Variants in SPEN observed in about 807,000 individuals in gnomAD.
SPEN encodes spen family transcriptional repressor, also known as msx2-interacting protein.
A neutral mutation model predicts 269.9 loss-of-function variants in SPEN; 18 were observed. The observed-to-expected ratio is 0.07, with a 90% CI of 0.05 to 0.10. The LOEUF is 0.10. SPEN is among the 10% of genes least tolerant of loss of function. The pLI is 1.00. For synonymous variants in SPEN, 1,726 were observed against 1,765.7 expected (o/e 0.98, Z 0.56); for missense variants, 3,822 against 4,631.2 (o/e 0.83, Z 5.07).
chr1:15,902,362 A>G (rs1364711455), intron 3 of SPEN, among the ~76,000 whole-genome samples: 2 of 152,196 alleles, frequency 1.3e-5, no homozygotes, highest in African/African-American at 4.8e-5. Flanking sequence ...TACACAGTTG[A>G]AATAGGGAAG....
intron 1 of SPEN, among the ~76,000 whole-genome samples, chr1:15,854,636 C>T (rs954370892): frequency 3.9e-5 from 6 of 151,954 alleles, no homozygotes; most frequent in African/African-American, 1.5e-4. Flanking sequence ...AGGCATGCAC[C>T]ACCACACCCA....
At position 15,932,947 on chromosome 1, in the gene SPEN, C is replaced by T. The variant is rs768277125; in HGVS notation, c.6707C>T (p.Pro2236Leu). The T allele has an allele frequency of 2.5e-6, 4 of 1,614,254 alleles. No homozygotes were observed. Among genetic ancestry groups the T allele is most frequent in the Non-Finnish European group, 2.5e-6 (3 of 1,180,046 alleles). The change falls in exon 11 of 15, where the codon CCT becomes CTT. Residue 2236 changes from proline (P) to leucine (L), a missense_variant. Physicochemically the swap from Pro to Leu is moderately conservative, Grantham distance 98. Transcript: ENST00000375759. This position sits in a 1 kb window ranked among gnomAD's most constrained non-coding sequence, Gnocchi z 4.2. ...GGGGAGCCAGAAAACTTCCCAGCAC[C>T]TCCACCTTATCCTGGAGAATCCCAG... ...ISGEPENFPA[P>L]PPYPGESQTD... is the part of the protein sequence containing the mutation.
At chr1:15,851,722 C>A (rs2070337973) in intron 1 of SPEN, among the ~76,000 whole-genome samples, 1 of 152,236 alleles carries the variant, frequency 6.6e-6, no homozygotes, top group East Asian at 1.9e-4. Flanking sequence ...CGGTGGCTCA[C>A]GCTTATAATC....
chr1:15,911,822 G>A (rs770124884), intron 5 of SPEN, among the ~76,000 whole-genome samples: 6 of 152,176 alleles, frequency 3.9e-5, no homozygotes, highest in Non-Finnish European at 5.9e-5. Flanking sequence ...TTAGCTGGGC[G>A]TGGTGGCGCA....
intron 2 of SPEN, 29 bp downstream of exon 2, chr1:15,873,165 A>G (rs754380782): frequency 3.8e-6 from 6 of 1,566,026 alleles, no homozygotes; most frequent in Middle Eastern, 3.4e-4. Flanking sequence ...GTAGGCAGGT[A>G]TTTTGTATTT....
At chr1:15,909,551 T>C (rs965115692) in intron 4 of SPEN, 70 bp downstream of exon 4, 24 of 1,393,584 alleles carry the variant, frequency 1.7e-5, no homozygotes, top group Non-Finnish European at 2.3e-5. Flanking sequence ...CTGCATTACA[T>C]TGAAATAACT....
At position 15,848,043 on chromosome 1, in the gene SPEN, G is replaced by T. The variant is rs2070291144; in HGVS notation, c.-25G>T. On this transcript the variant is annotated 5_prime_UTR_variant, in exon 1 of 15. Coordinates refer to ENST00000375759, the MANE Select transcript of SPEN (RefSeq NM_015001.3). This position sits in a 1 kb window ranked among gnomAD's most constrained non-coding sequence, Gnocchi z 5.1. ...AAGCCGGCGAGGGGGAGCCAGCAGC[G>T]GCGGTCGCCGGCACGCCGCCCAGCA... 2 of 1,393,812 alleles carry T rather than the reference G, an allele frequency of 1.4e-6. No homozygotes were observed. The highest frequency in any genetic ancestry group is 1.9e-6 in the Non-Finnish European group (2 of 1,054,074). 86.3% of individuals were successfully genotyped at this position (1,393,812 alleles called of 1,614,324 possible).
intron 8 of SPEN, 25 bp from the exon 9 acceptor site, chr1:15,920,845 T>C: frequency 6.8e-7 from 1 of 1,466,318 alleles, no homozygotes; most frequent in Non-Finnish European, 9.4e-7. Context: ...GGCTCTTACT[T>C]GTTTTTTGTT....
intron 1 of SPEN, among the ~76,000 whole-genome samples, chr1:15,862,056 C>A (rs1460952455): frequency 6.6e-6 from 1 of 151,890 alleles, no homozygotes; most frequent in Non-Finnish European, 1.5e-5. Flanking sequence ...AATAAAAAAA[C>A]AAAAAACAAA....
At chr1:15,861,983 A>G (rs969435160) in intron 1 of SPEN, among the ~76,000 whole-genome samples, 3 of 152,226 alleles carry the variant, frequency 2.0e-5, no homozygotes, top group Non-Finnish European at 4.4e-5. Flanking sequence ...CCGAGGTTGC[A>G]GTGAGCTGAG....
chr1:15,866,249 T>A (rs1339994237), intron 1 of SPEN, among the ~76,000 whole-genome samples: 1 of 152,198 alleles, frequency 6.6e-6, no homozygotes, highest in Non-Finnish European at 1.5e-5. Context: ...TTTTGCTGGC[T>A]TTAGGGATTC....
At position 15,896,187 on chromosome 1, in the gene SPEN, CTTTTTTTTTTTTTTTTT is replaced by C. The variant is rs34846762; in HGVS notation, c.882-13122_882-13106del. On this transcript the variant is annotated intron_variant, in intron 3 of 14. Transcript: ENST00000375759. The stretch of plus-strand genomic sequence containing the variant: ...ATTATTGTGTTTGATTTTACCATCA[CTTTTTTTTTTTTTTTTT>C]TTTTTTTTTTTGAGACAGTCTCACT... 2.2e-4 allele frequency among the ~76,000 whole-genome samples: 15 copies of C among 69,224 alleles called. 1 individual carries two copies. The highest frequency in any genetic ancestry group is 1.1e-3 in the African/African-American group (15 of 13,212). The allele number at this position is 69,224 out of a possible 152,430, so 45.4% of individuals were successfully genotyped here.
At chr1:15,869,621 A>C (rs941574936) in intron 1 of SPEN, among the ~76,000 whole-genome samples, 55 of 116,110 alleles carry the variant, frequency 4.7e-4, no homozygotes, top group Admixed American at 8.8e-4. Context: ...TTTATGAGAC[A>C]GGGTCTTGCT....
intron 9 of SPEN, 118 bp downstream of exon 9, chr1:15,921,101 G>A: frequency 2.1e-6 from 1 of 472,278 alleles, no homozygotes; most frequent in Non-Finnish European, 3.7e-6. Flanking sequence ...CAAGGCAGGT[G>A]GATCACCTGA....
chr1:15,859,140 G>GTT (rs34623941), intron 1 of SPEN, among the ~76,000 whole-genome samples: 80,000 of 135,550 alleles, frequency 0.59, 24,001 homozygotes, highest in East Asian at 0.76. Flanking sequence ...TTCTTTTTTA[G>GTT]TTTTTTTTTT....
chr1:15,904,190 A>C (rs765470756), intron 3 of SPEN, among the ~76,000 whole-genome samples: 12 of 152,166 alleles, frequency 7.9e-5, no homozygotes, highest in Non-Finnish European at 1.5e-4. Flanking sequence ...CACAATGTGA[A>C]CTCGAGGCCG....
Position 15,919,895 on chromosome 1 carries a change from CAA to C in SPEN, c.1635+379_1635+380del, listed in dbSNP as rs200218167. Among the ~76,000 whole-genome samples, 978 of 152,172 alleles carry C rather than the reference CAA, an allele frequency of 6.4e-3. 8 individuals are homozygous for C. The highest frequency in any genetic ancestry group is 0.02 in the Middle Eastern group (6 of 294). On this transcript the variant is annotated intron_variant, in intron 8 of 14. Transcript: ENST00000375759. The stretch of plus-strand genomic sequence containing the variant: ...TTTTTTAAATGAGGGGAAGTTCACA[CAA>C]CAGAATATTCATCTAACCAATGATT...
At chr1:15,849,328 T>A (rs935377410) in intron 1 of SPEN, among the ~76,000 whole-genome samples, 1 of 152,192 alleles carries the variant, frequency 6.6e-6, no homozygotes, top group African/African-American at 2.4e-5. Flanking sequence ...ATGGGAAAAA[T>A]AGATTGCGTC....
At chr1:15,854,474 G>A (rs1179004630) in intron 1 of SPEN, among the ~76,000 whole-genome samples, 1 of 152,026 alleles carries the variant, frequency 6.6e-6, no homozygotes, top group East Asian at 1.9e-4. Context: ...CATTTTATTA[G>A]AAAGCATGTA....
Sources: gnomAD v4.1 joint callset for allele counts (sites outside exome capture counted in the v4.1 genomes callset) on GRCh38, gnomAD v4.1.1 for gene constraint, Gnocchi (gnomAD v3.1) non-coding constraint, MANE v1.5 for transcripts, NCBI Gene and HGNC (gene_info 2026-07-23, HGNC 2026-07-21) for gene names.